The following CNOT4 variants were observed in gnomAD, a reference collection of about 807,000 sequenced individuals.
The protein encoded by CNOT4 is CCR4-NOT transcription complex subunit 4.
CNOT4 carries 8 observed loss-of-function variants against 73.8 expected under a neutral mutation model. The ratio of observed to expected loss-of-function variants is 0.11; its 90% CI spans 0.06 to 0.20. The LOEUF (loss-of-function observed/expected upper bound fraction) is 0.20, where lower values mean the gene tolerates loss of function less well. CNOT4 is among the 10% of genes least tolerant of loss of function. CNOT4 has a pLI of 1.00. For missense variants in CNOT4, 564 were observed against 883.4 expected, an observed-to-expected ratio of 0.64 and a Z score of 4.58; for synonymous variants, 293 against 321.1, an observed-to-expected ratio of 0.91 and a Z score of 0.94.
chr7:135,409,370 T>C (rs938063821), intron 7 of CNOT4, among the ~76,000 whole-genome samples: 1 of 152,182 alleles, frequency 6.6e-6, no homozygotes, highest in Non-Finnish European at 1.5e-5. Flanking sequence ...AAATTTTACA[T>C]AGTTTACTAT....
chr7:135,438,065 G>A (rs1799267020), intron 2 of CNOT4, 93 bp downstream of exon 2: 1 of 674,262 alleles, frequency 1.5e-6, no homozygotes, highest in East Asian at 2.6e-5. Context: ...GGTGAGGTTT[G>A]CACAGTCTTT....
chr7:135,478,658 G>A (rs1283949593), intron 1 of CNOT4, among the ~76,000 whole-genome samples: 11 of 152,176 alleles, frequency 7.2e-5, no homozygotes, highest in South Asian at 2.1e-4. Context: ...AGCAGAGATC[G>A]CACCACTGCA....
chr7:135,476,955 T>C (rs1802030194), intron 1 of CNOT4, among the ~76,000 whole-genome samples: 1 of 152,084 alleles, frequency 6.6e-6, no homozygotes, highest in African/African-American at 2.4e-5. Flanking sequence ...AGGAAACACA[T>C]TAAAGCAAAC....
chr7:135,416,256 T>G (rs1245869338), intron 3 of CNOT4, among the ~76,000 whole-genome samples: 2 of 152,188 alleles, frequency 1.3e-5, no homozygotes, highest in Admixed American at 1.3e-4. Context: ...TTAGCTATTA[T>G]GTTCTGCATT....
intron 7 of CNOT4, among the ~76,000 whole-genome samples, chr7:135,402,721 TAAAG>T (rs560826689): frequency 1.3e-3 from 195 of 152,266 alleles, no homozygotes; most frequent in African/African-American, 4.4e-3. Flanking sequence ...GTTTTACAGA[TAAAG>T]AAATCAAATT....
intron 10 of CNOT4, chr7:135,388,929 G>T: frequency 6.3e-7 from 1 of 1,597,486 alleles, no homozygotes; most frequent in South Asian, 1.1e-5. Context: ...AGTTATGGGT[G>T]ACTAGATTTG....
In CNOT4 at chr7:135,378,301, C is replaced by T. The variant is rs185266265; in HGVS notation, c.1628-14235G>A. Among the ~76,000 whole-genome samples, 437 of 151,430 alleles carry T rather than the reference C, an allele frequency of 2.9e-3. 1 individual carries two copies. The highest frequency in any genetic ancestry group is 6.9e-3 in the Middle Eastern group (2 of 288). On this transcript the variant is annotated intron_variant, in intron 10 of 11. Transcript: ENST00000541284. The stretch of plus-strand genomic sequence containing the variant: ...GGTGGATCATCTGAGGTCAGGAGCT[C>T]GAGACCAGCCTGGCCAACAATGTGA...
chr7:135,438,900 AG>A (rs1296703040), intron 1 of CNOT4, among the ~76,000 whole-genome samples: 1 of 152,228 alleles, frequency 6.6e-6, no homozygotes, highest in Non-Finnish European at 1.5e-5. Flanking sequence ...AGAGAAACAT[AG>A]GCTAAAACTC....
At chr7:135,413,296 A>G (rs1226851527) in intron 6 of CNOT4, among the ~76,000 whole-genome samples, 192 bp downstream of exon 6, 1 of 152,028 alleles carries the variant, frequency 6.6e-6, no homozygotes, top group East Asian at 1.9e-4. Context: ...AGTTGACCAC[A>G]GACACATTTT....
intron 3 of CNOT4, 34 bp downstream of exon 3, chr7:135,422,122 A>G (rs756532644): frequency 7.5e-7 from 1 of 1,327,866 alleles, no homozygotes; most frequent in Non-Finnish European, 1.1e-6. Context: ...GAAACAAAAA[A>G]TATCAAGATG....
chr7:135,394,454 A>G, intron 9 of CNOT4, 39 bp from the exon 10 acceptor site: 1 of 1,500,016 alleles, frequency 6.7e-7, no homozygotes, highest in South Asian at 1.3e-5. Context: ...TCAGATACAT[A>G]GCTCATTTTC....
At chr7:135,494,710 T>C (rs1196505177) in intron 1 of CNOT4, among the ~76,000 whole-genome samples, 1 of 151,854 alleles carries the variant, frequency 6.6e-6, no homozygotes, top group African/African-American at 2.4e-5. Flanking sequence ...AGAACATAAG[T>C]GTTATAGAAA....
chr7:135,480,199 C>T (rs535609102), intron 1 of CNOT4, among the ~76,000 whole-genome samples: 1 of 152,300 alleles, frequency 6.6e-6, no homozygotes, highest in African/African-American at 2.4e-5. Context: ...AGAATAACCA[C>T]CACGGCTTTT....
intron 1 of CNOT4, among the ~76,000 whole-genome samples, chr7:135,452,355 A>C (rs1009503789): frequency 6.6e-6 from 1 of 152,190 alleles, no homozygotes; most frequent in African/African-American, 2.4e-5. Flanking sequence ...GGATCACCTG[A>C]GGTCAGGAGT....
At chr7:135,469,421 G>A (rs1219380950) in intron 1 of CNOT4, among the ~76,000 whole-genome samples, 1 of 152,100 alleles carries the variant, frequency 6.6e-6, no homozygotes, top group Non-Finnish European at 1.5e-5. Flanking sequence ...TATGTTCTTT[G>A]CAACAGAGTT....
chr7:135,453,561 C>A (rs1800305932), intron 1 of CNOT4, among the ~76,000 whole-genome samples: 1 of 151,466 alleles, frequency 6.6e-6, no homozygotes. Context: ...CTAGGTAGGG[C>A]ATAAGGGGAC....
At chr7:135,506,223 A>G (rs1300628755) in intron 1 of CNOT4, among the ~76,000 whole-genome samples, 1 of 152,238 alleles carries the variant, frequency 6.6e-6, no homozygotes, top group Non-Finnish European at 1.5e-5. Context: ...ATGCTATTCC[A>G]GTGGGATAAA....
intron 1 of CNOT4, among the ~76,000 whole-genome samples, chr7:135,453,018 T>C (rs1800274239): frequency 6.6e-6 from 1 of 152,190 alleles, no homozygotes; most frequent in Non-Finnish European, 1.5e-5. Flanking sequence ...AATACAGTTT[T>C]ATTTGGGGGA....
At position 135,414,305 on chromosome 7, in the gene CNOT4, A is replaced by G. The variant is rs757554458; in HGVS notation, c.561+26T>C. 1.8e-5 allele frequency: 15 copies of G among 846,950 alleles called. No individual in the cohort carries two copies. In the South Asian group the frequency reaches 2.3e-4, roughly 13 times the overall value. The allele number at this position is 846,950 out of a possible 1,614,324, so 52.5% of individuals were successfully genotyped here. On this transcript the variant is annotated intron_variant, in intron 5 of 11. Coordinates refer to ENST00000541284, the MANE Select transcript of CNOT4 (RefSeq NM_001190850.2). ...TTATCTCGTCTTCCTTAAAAAAAAA[A>G]AAAAGAATCAAGAGGACTATATTAC...
Sources: allele counts gnomAD v4.1 joint callset (sites outside exome capture counted in the v4.1 genomes callset), GRCh38; gene constraint gnomAD v4.1.1; transcripts MANE v1.5; gene names NCBI Gene and HGNC (gene_info 2026-07-23, HGNC 2026-07-21).